SLC2A14: variants seen among roughly 807,000 people sequenced by gnomAD.
SLC2A14 encodes solute carrier family 2, facilitated glucose transporter member 14.
In SLC2A14, 13 loss-of-function variants were observed where a neutral mutation model predicts 43.0. That is an observed-to-expected ratio of 0.30 (90% CI 0.20 to 0.48). The LOEUF is 0.48. Among genes scored for constraint, SLC2A14 ranks in the 20% least tolerant of loss-of-function variants. The pLI is 0.99. For missense variants in SLC2A14, 428 were observed against 620.4 expected (o/e 0.69, Z 3.29); for synonymous variants, 190 against 233.8 (o/e 0.81, Z 1.71).
chr12:7,825,809 T>C (rs1864314557), intron 7 of SLC2A14, among the ~76,000 whole-genome samples: 1 of 14,982 alleles, frequency 6.7e-5, no homozygotes. Flanking sequence ...AGAAAGAAAG[T>C]ATGCACATAC....
intron 1 of SLC2A14, among the ~76,000 whole-genome samples, chr12:7,879,036 T>C (rs564206974): frequency 2.7e-5 from 4 of 149,552 alleles, no homozygotes; most frequent in Non-Finnish European, 5.9e-5. Flanking sequence ...TCCTCAACCT[T>C]ACTCTAGAAA....
chr12:7,834,404 T>C (rs577785157), intron 2 of SLC2A14, among the ~76,000 whole-genome samples: 16 of 152,006 alleles, frequency 1.1e-4, no homozygotes, highest in Non-Finnish European at 2.1e-4. Context: ...AAAAAATGTG[T>C]TGACCTGGGC....
At chr12:7,888,960 T>A (rs1161391055) in intron 1 of SLC2A14, among the ~76,000 whole-genome samples, 1 of 152,058 alleles carries the variant, frequency 6.6e-6, no homozygotes, top group African/African-American at 2.4e-5. Flanking sequence ...TCCATCTCTA[T>A]ATAAACCAAG....
chr12:7,841,792 G>A (rs901085608), intron 2 of SLC2A14, among the ~76,000 whole-genome samples: 2 of 151,928 alleles, frequency 1.3e-5, no homozygotes, highest in African/African-American at 4.8e-5. Context: ...CAGATCACGA[G>A]GTCAGGAGTT....
chr12:7,830,609 C>T (rs779749596), intron 4 of SLC2A14, among the ~76,000 whole-genome samples: 3 of 152,092 alleles, frequency 2.0e-5, no homozygotes, highest in Admixed American at 2.0e-4. Flanking sequence ...GCACTCCAGC[C>T]TGGGTGACAG....
chr12:7,837,860 C>G (rs1198479426), intron 2 of SLC2A14, among the ~76,000 whole-genome samples: 1 of 151,600 alleles, frequency 6.6e-6, no homozygotes, highest in African/African-American at 2.4e-5. Flanking sequence ...TGCGTTCAAG[C>G]AATTCTCCTG....
rs1864455874 is a variant in SLC2A14 at position 7,826,885 on chromosome 12, C to CTTTCTTTCTT, written c.864+600_864+609dup. Among the ~76,000 whole-genome samples the CTTTCTTTCTT allele has an allele frequency of 5.2e-5, 3 of 57,416 alleles. 1 individual carries two copies. The highest frequency in any genetic ancestry group is 5.0e-4 in the South Asian group (1 of 1,994). 37.7% of individuals were successfully genotyped at this position (57,416 alleles called of 152,430 possible). On this transcript the variant is annotated intron_variant, in intron 7 of 10. Transcript: ENST00000431042. ...TTTTTCTTTCTTTCTTTCTTTCTTT[C>CTTTCTTTCTT]TTTCTTTCTTTCTTTCTTTCTTTCT...
intron 2 of SLC2A14, among the ~76,000 whole-genome samples, chr12:7,842,792 G>A (rs766725371): frequency 2.7e-5 from 4 of 150,638 alleles, no homozygotes; most frequent in Admixed American, 1.3e-4. Context: ...GCAATGGTGC[G>A]ATCTCGGCTC....
At chr12:7,817,141 G>C (rs753522346) in intron 10 of SLC2A14, among the ~76,000 whole-genome samples, 1 of 151,266 alleles carries the variant, frequency 6.6e-6, no homozygotes, top group South Asian at 2.1e-4. Context: ...TTGAGACGGA[G>C]TTTCTGTCTT....
Position 7,835,282 on chromosome 12 carries a change from G to T in SLC2A14, c.19-2468C>A, listed in dbSNP as rs901037118. The stretch of plus-strand genomic sequence containing the variant: ...TGCGCCTGTAGTCCCAGCTACTCAG[G>T]AGACTGAGACAGGAGAATTGCTTGA... On this transcript the variant is annotated intron_variant, in intron 2 of 10. Coordinates refer to ENST00000431042, the MANE Select transcript of SLC2A14 (RefSeq NM_001286234.2). 2.0e-5 allele frequency among the ~76,000 whole-genome samples: 3 copies of T among 152,154 alleles called. No homozygotes were observed. The East Asian group carries it at 5.8e-4, about 29-fold the overall frequency.
chr12:7,884,489 T>G (rs768997697), intron 1 of SLC2A14, among the ~76,000 whole-genome samples: 1 of 152,196 alleles, frequency 6.6e-6, no homozygotes, highest in South Asian at 2.1e-4. Flanking sequence ...CCCTGAACAA[T>G]CAATTGGGAT....
At chr12:7,827,119 A>C (rs114313061) in intron 7 of SLC2A14, among the ~76,000 whole-genome samples, 37,475 of 100,350 alleles carry the variant, frequency 0.37, 5,556 homozygotes, top group Middle Eastern at 0.45. Flanking sequence ...CTTTCTTTTT[A>C]TTTCTTTCTA....
intron 2 of SLC2A14, among the ~76,000 whole-genome samples, chr12:7,851,863 G>A (rs1470906227): frequency 6.6e-6 from 1 of 152,130 alleles, no homozygotes; most frequent in African/African-American, 2.4e-5. Context: ...CAAAAGAAAT[G>A]CCACAGCCCC....
In SLC2A14 at chr12:7,870,901, A is replaced by G. The variant is rs542245270; in HGVS notation, c.-57-964T>C. 9.4e-4 allele frequency: 1,306 copies of G among 1,385,862 alleles called. 7 individuals carry two copies. Among genetic ancestry groups the G allele is most frequent in the Non-Finnish European group, 1.2e-3 (1,242 of 1,037,314 alleles). The allele number at this position is 1,385,862 out of a possible 1,614,324, so 85.8% of individuals were successfully genotyped here. A position where few individuals can be genotyped will look rare whatever the true frequency, so the allele number is the denominator to read the frequency against. On this transcript the variant is annotated intron_variant, in intron 1 of 10. Coordinates refer to ENST00000431042, the MANE Select transcript of SLC2A14 (RefSeq NM_001286234.2). ...AAGACCACCAAGAAGCGACCACAGC[A>G]CAAGGGGCCACATCCAATGTCTTCG...
At chr12:7,870,810 G>C in intron 1 of SLC2A14, 1 of 1,146,756 alleles carries the variant, frequency 8.7e-7, no homozygotes, top group Middle Eastern at 2.5e-4. Context: ...GGTCAGCCCA[G>C]CTCCAAGAAC....
In SLC2A14 at chr12:7,889,484, C is replaced by T. The variant is rs773330170; in HGVS notation, c.132+1512G>A. Among the ~76,000 whole-genome samples, 17 of 150,490 alleles carry T rather than the reference C, an allele frequency of 1.1e-4. 1 individual carries two copies. The highest frequency in any genetic ancestry group is 3.9e-4 in the East Asian group (2 of 5,100). ...CCTGACCTCAGGTGATACACCACCT[C>T]GGCCTCCCAAAGTGCTGGGATTACA... On this transcript the variant is annotated intron_variant, in intron 1 of 9. Coordinates refer to the SLC2A14 transcript ENST00000539924.
chr12:7,877,118 T>C (rs1416804381), upstream of SLC2A14, among the ~76,000 whole-genome samples: 2 of 151,842 alleles, frequency 1.3e-5, no homozygotes, highest in African/African-American at 4.8e-5. Flanking sequence ...ATTCTCCAGC[T>C]TCAGCCTCCC....
At chr12:7,817,695 C>G (rs1176948046) in intron 10 of SLC2A14, 136 bp downstream of exon 10, 6 of 1,070,218 alleles carry the variant, frequency 5.6e-6, no homozygotes, top group African/African-American at 1.6e-5. Flanking sequence ...TGTCAGTGAG[C>G]TGAGATCGGG....
intron 1 of SLC2A14, among the ~76,000 whole-genome samples, chr12:7,879,712 C>G (rs1945532421): frequency 1.3e-5 from 2 of 151,314 alleles, no homozygotes; most frequent in South Asian, 2.1e-4. Context: ...AATATAACAA[C>G]AAGTTTTTTA....
Sources: gnomAD v4.1 joint callset for allele counts (sites outside exome capture counted in the v4.1 genomes callset) on GRCh38, gnomAD v4.1.1 for gene constraint, MANE v1.5 for transcripts, NCBI Gene and HGNC (gene_info 2026-07-23, HGNC 2026-07-21) for gene names.